PTPRM: variants seen among roughly 807,000 people sequenced by gnomAD.
PTPRM encodes the protein protein tyrosine phosphatase receptor type M.
A neutral mutation model predicts 186.7 loss-of-function variants in PTPRM; 47 were observed. The ratio of observed to expected loss-of-function variants is 0.25; its 90% CI spans 0.20 to 0.32. The LOEUF is 0.32. PTPRM is among the 10% of genes least tolerant of loss of function. The probability of loss-of-function intolerance (pLI) is 1.00; values close to 1 mark genes in which losing one functional copy is unlikely to be tolerated. For synonymous variants in PTPRM, 668 were observed against 674.9 expected (o/e 0.99, Z 0.16); for missense variants, 1,494 against 1,865.0 (o/e 0.80, Z 3.66).
chr18:8,041,005 A>T (rs181135238), intron 7 of PTPRM, among the ~76,000 whole-genome samples: 1 of 152,174 alleles, frequency 6.6e-6, no homozygotes, highest in East Asian at 1.9e-4. Flanking sequence ...CGCATTCTCC[A>T]TTTAGCCAAC....
intron 1 of PTPRM, among the ~76,000 whole-genome samples, chr18:7,591,393 G>A (rs911695414): frequency 6.6e-6 from 1 of 152,100 alleles, no homozygotes; most frequent in African/African-American, 2.4e-5. Flanking sequence ...GGGAGGGAGT[G>A]GGGAGAGCCA....
chr18:8,165,794 C>T (rs2093314427), intron 14 of PTPRM, among the ~76,000 whole-genome samples: 1 of 152,152 alleles, frequency 6.6e-6, no homozygotes, highest in Admixed American at 6.5e-5. Context: ...ATTCTGGAAG[C>T]TTATAGTGCT....
chr18:8,379,215 G>T lies in PTPRM; in HGVS notation c.3661G>T (p.Ala1221Ser), dbSNP rs779665748. 23 of 1,613,740 alleles carry T rather than the reference G, an allele frequency of 1.4e-5. No homozygotes were observed. Among genetic ancestry groups the T allele is most frequent in the Non-Finnish European group, 1.9e-5 (22 of 1,179,816 alleles). Reference sequence around the variant, plus strand: ...GCTGCGAGTAGAGGACTGCAGCATCGCACTGTTGCCCCGGAACCATGAGAA... The same window carrying T: ...GCTGCGAGTAGAGGACTGCAGCATCTCACTGTTGCCCCGGAACCATGAGAA... ...PTLRVEDCSI[A>S]LLPRNHEKNR... The change falls in exon 28 of 33, where the codon GCA becomes TCA. Residue 1221 changes from alanine (A) to serine (S), a missense_variant. Transcript: ENST00000580170.
intron 9 of PTPRM, among the ~76,000 whole-genome samples, chr18:8,081,521 C>T (rs549621588): frequency 2.6e-5 from 4 of 152,266 alleles, no homozygotes; most frequent in Admixed American, 2.6e-4. Flanking sequence ...ACTTAATAAG[C>T]ATGTATTGAA....
chr18:8,261,975 C>A (rs962515040), intron 19 of PTPRM, among the ~76,000 whole-genome samples: 1 of 152,176 alleles, frequency 6.6e-6, no homozygotes. Flanking sequence ...GGATAGTGAA[C>A]GTGCCCGTGT....
chr18:8,028,292 G>A (rs562364570), intron 7 of PTPRM, among the ~76,000 whole-genome samples: 60 of 152,246 alleles, frequency 3.9e-4, no homozygotes, highest in Non-Finnish European at 7.2e-4. Flanking sequence ...GTGCACCACC[G>A]TGCCCAGCCC....
chr18:8,268,606 C>T (rs1362717137), intron 19 of PTPRM, among the ~76,000 whole-genome samples: 1 of 151,992 alleles, frequency 6.6e-6, no homozygotes, highest in Admixed American at 6.6e-5. Flanking sequence ...TGATCCAAAG[C>T]CAGATAAGGA....
chr18:7,819,358 C>T (rs945588244), intron 2 of PTPRM, among the ~76,000 whole-genome samples: 7 of 152,246 alleles, frequency 4.6e-5, no homozygotes, highest in Non-Finnish European at 7.3e-5. Flanking sequence ...AACACATTGG[C>T]GGAAGAAGAT....
chr18:7,650,454 C>T (rs988117310), intron 1 of PTPRM, among the ~76,000 whole-genome samples: 2 of 146,082 alleles, frequency 1.4e-5, no homozygotes, highest in Non-Finnish European at 3.0e-5. Flanking sequence ...TCCCCCCCCC[C>T]CCCACTGTAA....
intron 19 of PTPRM, among the ~76,000 whole-genome samples, chr18:8,269,176 AC>A (rs1208540796): frequency 1.3e-5 from 2 of 152,030 alleles, no homozygotes; most frequent in Non-Finnish European, 2.9e-5. Flanking sequence ...CAGAGACTCC[AC>A]CAGAAACTGT....
At chr18:8,165,011 A>G (rs193123553) in intron 14 of PTPRM, among the ~76,000 whole-genome samples, 73 of 152,170 alleles carry the variant, frequency 4.8e-4, no homozygotes, top group Middle Eastern at 3.4e-3. Flanking sequence ...TCCACTAAAA[A>G]TACAAAAATT....
chr18:7,673,894 C>T (rs1462124375), intron 1 of PTPRM, among the ~76,000 whole-genome samples: 5 of 152,128 alleles, frequency 3.3e-5, no homozygotes, highest in African/African-American at 1.2e-4. Flanking sequence ...CTGGTGAAAG[C>T]AGTGCCAGGA....
At chr18:7,685,047 T>C (rs1303951860) in intron 1 of PTPRM, among the ~76,000 whole-genome samples, 1 of 152,234 alleles carries the variant, frequency 6.6e-6, no homozygotes, top group Non-Finnish European at 1.5e-5. Flanking sequence ...AATCATGTTA[T>C]GATCATTATT....
chr18:7,707,025 AT>A (rs932236018), intron 1 of PTPRM, among the ~76,000 whole-genome samples: 1 of 152,110 alleles, frequency 6.6e-6, no homozygotes, highest in African/African-American at 2.4e-5. Flanking sequence ...TAAGGCAGTC[AT>A]TTTTAGAATA....
chr18:7,886,584 C>G, intron 2 of PTPRM, among the ~76,000 whole-genome samples: 1 of 152,038 alleles, frequency 6.6e-6, no homozygotes, highest in East Asian at 1.9e-4. Context: ...GTTCAAAAAG[C>G]ACATGAAGAA....
At chr18:8,344,448 G>GTGTGTA (rs1360655194) in intron 23 of PTPRM, among the ~76,000 whole-genome samples, 6 of 33,420 alleles carry the variant, frequency 1.8e-4, no homozygotes, top group African/African-American at 3.7e-4. Context: ...GTGTGTGTGT[G>GTGTGTA]TATATATATA....
intron 14 of PTPRM, among the ~76,000 whole-genome samples, chr18:8,237,642 C>A (rs946588188): frequency 1.3e-4 from 19 of 151,954 alleles, no homozygotes; most frequent in African/African-American, 4.3e-4. Context: ...GATGGGGTTT[C>A]ACCATGTTGG....
intron 1 of PTPRM, among the ~76,000 whole-genome samples, chr18:7,728,749 C>T (rs994227802): frequency 3.3e-5 from 5 of 152,138 alleles, no homozygotes; most frequent in Non-Finnish European, 5.9e-5. Flanking sequence ...ATTTGTCTGC[C>T]TCCTGCCTCT....
At chr18:8,083,415 C>A (rs1267059324) in intron 9 of PTPRM, among the ~76,000 whole-genome samples, 3 of 152,076 alleles carry the variant, frequency 2.0e-5, no homozygotes, top group Non-Finnish European at 4.4e-5. Flanking sequence ...CTGTTCTTCC[C>A]CAAACTCTCA....
Sources: allele counts gnomAD v4.1 joint callset (sites outside exome capture counted in the v4.1 genomes callset), GRCh38; gene constraint gnomAD v4.1.1; transcripts MANE v1.5; gene names NCBI Gene and HGNC (gene_info 2026-07-23, HGNC 2026-07-21).